Variants in BBS9 observed in about 807,000 individuals in gnomAD.
BBS9 encodes Bardet-Biedl syndrome 9.
Under a neutral mutation model 117.7 loss-of-function variants are expected in BBS9, and 89 were observed. The ratio of observed to expected loss-of-function variants is 0.76; its 90% CI spans 0.64 to 0.90. BBS9 has a LOEUF of 0.90. Ranked by LOEUF, BBS9 falls within the 40% of genes least tolerant of loss-of-function variation. The pLI, the probability that BBS9 is intolerant of heterozygous loss-of-function variation, is 0.00. For synonymous variants in BBS9, 379 were observed against 370.9 expected (o/e 1.02, Z -0.25); for missense variants, 982 against 1,042.2 (o/e 0.94, Z 0.80).
chr7:33,319,609 TGG>T (rs1811264268), intron 9 of BBS9, among the ~76,000 whole-genome samples: 1 of 152,226 alleles, frequency 6.6e-6, no homozygotes, highest in Non-Finnish European at 1.5e-5. Context: ...TATTACATTG[TGG>T]TTTTGATTTG....
chr7:33,535,680 G>A (rs1851253886), intron 21 of BBS9, among the ~76,000 whole-genome samples: 1 of 152,132 alleles, frequency 6.6e-6, no homozygotes, highest in South Asian at 2.1e-4. Flanking sequence ...GGCTTAATGA[G>A]ATAGTAAATG....
chr7:33,517,012 C>T (rs905465006), intron 20 of BBS9, among the ~76,000 whole-genome samples: 7 of 152,148 alleles, frequency 4.6e-5, no homozygotes, highest in African/African-American at 7.2e-5. Context: ...TATTGTTTAA[C>T]GGCAGTTGTT....
intron 21 of BBS9, among the ~76,000 whole-genome samples, chr7:33,621,093 G>T (rs1865382308): frequency 1.3e-5 from 2 of 152,126 alleles, no homozygotes; most frequent in African/African-American, 4.8e-5. Flanking sequence ...TTAAAAGTAA[G>T]ATGTGAAACT....
chr7:33,520,196 A>G (rs1214145333), intron 20 of BBS9, among the ~76,000 whole-genome samples: 1 of 152,060 alleles, frequency 6.6e-6, no homozygotes, highest in Admixed American at 6.6e-5. Flanking sequence ...TTTACAAAAT[A>G]CAAAACGAGG....
At chr7:33,293,452 A>G (rs1360267002) in intron 9 of BBS9, among the ~76,000 whole-genome samples, 1 of 152,198 alleles carries the variant, frequency 6.6e-6, no homozygotes, top group East Asian at 1.9e-4. Flanking sequence ...CAAAGTATGT[A>G]TGGATTTCTA....
At chr7:33,439,794 TGGGA>T (rs1367673420) in intron 19 of BBS9, among the ~76,000 whole-genome samples, 1 of 152,190 alleles carries the variant, frequency 6.6e-6, no homozygotes, top group Non-Finnish European at 1.5e-5. Context: ...CCCAAAGTGT[TGGGA>T]TTACAGGCGT....
At chr7:33,384,794 A>G (rs570395409) in intron 18 of BBS9, among the ~76,000 whole-genome samples, 1 of 152,170 alleles carries the variant, frequency 6.6e-6, no homozygotes, top group African/African-American at 2.4e-5. Flanking sequence ...AAGAGCATTG[A>G]CTTTCAGCTA....
At chr7:33,606,863 CTT>C (rs1337173538), downstream of BBS9, among the ~76,000 whole-genome samples, 4 of 152,102 alleles carry the variant, frequency 2.6e-5, no homozygotes, top group East Asian at 5.8e-4. Flanking sequence ...TCGTTTTTGT[CTT>C]TTTATTTTGC....
intron 19 of BBS9, among the ~76,000 whole-genome samples, chr7:33,474,636 C>T (rs566488254): frequency 3.9e-5 from 6 of 152,208 alleles, no homozygotes; most frequent in African/African-American, 1.4e-4. Flanking sequence ...GTCTATGCTC[C>T]TTAGAAATAC....
intron 9 of BBS9, among the ~76,000 whole-genome samples, chr7:33,306,628 G>A (rs1207782121): frequency 6.6e-6 from 1 of 152,168 alleles, no homozygotes; most frequent in East Asian, 1.9e-4. Flanking sequence ...AGTATCTGAA[G>A]CATTTTGGTT....
chr7:33,463,355 A>T (rs1839750533), intron 19 of BBS9, among the ~76,000 whole-genome samples: 1 of 152,026 alleles, frequency 6.6e-6, no homozygotes. Context: ...TAACTTTTTG[A>T]TAGGGGGAAT....
chr7:33,140,510 T>C (rs1010275550), intron 1 of BBS9, among the ~76,000 whole-genome samples: 1 of 152,180 alleles, frequency 6.6e-6, no homozygotes, highest in Non-Finnish European at 1.5e-5. Context: ...TAGGGAATCA[T>C]TGGCATTTCA....
At chr7:33,308,236 A>G (rs1336561101) in intron 9 of BBS9, among the ~76,000 whole-genome samples, 1 of 152,208 alleles carries the variant, frequency 6.6e-6, no homozygotes, top group African/African-American at 2.4e-5. Flanking sequence ...CTGCTGAGAA[A>G]TGTGGAATCA....
chr7:33,620,415 G>T (rs766024516), intron 21 of BBS9, among the ~76,000 whole-genome samples: 4 of 151,818 alleles, frequency 2.6e-5, no homozygotes, highest in Non-Finnish European at 4.4e-5. Context: ...AAAGTTGCGG[G>T]ACGAAAATCA....
chr7:33,213,100 A>G (rs531610506), intron 5 of BBS9, among the ~76,000 whole-genome samples: 13 of 152,294 alleles, frequency 8.5e-5, no homozygotes, highest in African/African-American at 2.9e-4. Flanking sequence ...TCCCTTCAGG[A>G]TGGCAAGAGC....
chr7:33,606,751 C>A (rs921982448), downstream of BBS9, among the ~76,000 whole-genome samples: 3 of 152,118 alleles, frequency 2.0e-5, no homozygotes, highest in African/African-American at 7.2e-5. Context: ...ATCTCCTTAT[C>A]CCTACACCAA....
At chr7:33,427,480 G>A (rs1350491893) in intron 19 of BBS9, among the ~76,000 whole-genome samples, 1 of 152,134 alleles carries the variant, frequency 6.6e-6, no homozygotes, top group Non-Finnish European at 1.5e-5. Context: ...ATTAATCTCA[G>A]TTCCTATAGA....
chr7:33,305,416 C>T (rs1010701947), intron 9 of BBS9, among the ~76,000 whole-genome samples: 4 of 152,042 alleles, frequency 2.6e-5, no homozygotes, highest in African/African-American at 7.2e-5. Flanking sequence ...CAGATTAATA[C>T]TGGACTTGTA....
chr7:33,605,279 T>A lies in BBS9; in HGVS notation c.*53T>A. ...AACATCCCCATCTCAAGGCCGAACC[T>A]GTGTGAACCTCATGCCAAGCACAGA... On this transcript the variant is annotated 3_prime_UTR_variant, in exon 23 of 23. Transcript: ENST00000242067. The A allele has an allele frequency of 6.4e-7, 1 of 1,552,640 alleles. No individual in the cohort carries two copies. Among genetic ancestry groups the A allele is most frequent in the Non-Finnish European group, 8.9e-7 (1 of 1,124,156 alleles).
Sources: allele counts gnomAD v4.1 joint callset (sites outside exome capture counted in the v4.1 genomes callset), GRCh38; gene constraint gnomAD v4.1.1; transcripts MANE v1.5; gene names NCBI Gene and HGNC (gene_info 2026-07-23, HGNC 2026-07-21).